The following AEN variants were observed in gnomAD, a reference collection of about 807,000 sequenced individuals.
The protein encoded by AEN is apoptosis-enhancing nuclease.
A neutral mutation model predicts 17.7 loss-of-function variants in AEN; 21 were observed. The ratio of observed to expected loss-of-function variants is 1.19; its 90% confidence interval spans 0.84 to 1.71. The LOEUF (loss-of-function observed/expected upper bound fraction) is 1.71. Ranked by LOEUF, AEN falls within the 40% of genes most tolerant of loss-of-function variation. The pLI, the probability that AEN is intolerant of heterozygous loss-of-function variation, is 0.00. For synonymous variants in AEN, 190 were observed against 173.0 expected (o/e 1.10, Z -0.77); for missense variants, 462 against 435.9 (o/e 1.06, Z -0.53).
At position 88,631,216 on chromosome 15, in the gene AEN, C is replaced by G. The variant is rs770826299; in HGVS notation, c.*922C>G. The G allele has an allele frequency of 2.2e-6, 1 of 455,738 alleles. No homozygotes were observed. The highest frequency in any genetic ancestry group is 1.5e-5 in the South Asian group (1 of 64,554). 28.2% of individuals were successfully genotyped at this position (455,738 alleles called of 1,614,324 possible). On this transcript the variant is annotated 3_prime_UTR_variant, in exon 4 of 4. Coordinates refer to ENST00000332810, the MANE Select transcript of AEN (RefSeq NM_022767.4). ...TTTATTTATTTATTAACAGCAGGGCCACTCGTCTAGGGCAGTGGAGTCTGC... is the reference window on the plus strand; with the variant it reads ...TTTATTTATTTATTAACAGCAGGGCGACTCGTCTAGGGCAGTGGAGTCTGC...
At chr15:88,617,537 G>A (rs995435598), upstream of AEN, among the ~76,000 whole-genome samples, 6 of 152,214 alleles carry the variant, frequency 3.9e-5, no homozygotes, top group African/African-American at 1.4e-4. Context: ...ACAGGCGTGA[G>A]CCACAGCGCC....
the AEN span, chr15:88,611,977 CT>C: frequency 2.2e-6 from 1 of 448,666 alleles, no homozygotes; most frequent in Non-Finnish European, 4.5e-6. Context: ...TTTGGCTATC[CT>C]TCCACGTGTT....
upstream of AEN, among the ~76,000 whole-genome samples, chr15:88,619,478 G>A (rs112248718): frequency 0.14 from 20,829 of 152,004 alleles, 1,670 homozygotes; most frequent in African/African-American, 0.21. Flanking sequence ...TCACGAGGTC[G>A]GGAGTTCGAG....
chr15:88,612,083 G>A, the AEN span: 7 of 345,302 alleles, frequency 2.0e-5, no homozygotes, highest in African/African-American at 9.2e-5. Flanking sequence ...ACAAACTATG[G>A]TGTGAGCAGG....
At chr15:88,612,061 C>A in the AEN span, 1 of 362,384 alleles carries the variant, frequency 2.8e-6, no homozygotes, top group Non-Finnish European at 5.3e-6. Context: ...GCAGACTCTT[C>A]CAGAAACATG....
chr15:88,614,394 T>C, the AEN span, among the ~76,000 whole-genome samples: 3 of 151,782 alleles, frequency 2.0e-5, no homozygotes, highest in African/African-American at 7.3e-5. Flanking sequence ...AGAGACGGAG[T>C]CTCCCTGTGT....
At chr15:88,629,149 A>T in intron 2 of AEN, 77 bp from the exon 3 acceptor site, 1 of 1,425,422 alleles carries the variant, frequency 7.0e-7, no homozygotes, top group East Asian at 2.3e-5. Context: ...TCTATTGGCC[A>T]GGGGTTCTCA....
chr15:88,610,307 A>ATTTTT, the AEN span, among the ~76,000 whole-genome samples: 1,147 of 136,212 alleles, frequency 8.4e-3, 17 homozygotes, highest in South Asian at 0.042. Flanking sequence ...GCACGGGGCT[A>ATTTTT]TTTTTTTTTT....
chr15:88,607,188 A>G, the AEN span, among the ~76,000 whole-genome samples: 10 of 152,336 alleles, frequency 6.6e-5, no homozygotes, highest in South Asian at 1.7e-3. Flanking sequence ...TGTCTCCCTT[A>G]GCAGATGGAC....
chr15:88,608,074 G>A, the AEN span: 1 of 514,716 alleles, frequency 1.9e-6, no homozygotes, highest in East Asian at 5.6e-5. Context: ...TGGACAAAGG[G>A]TCTACTTTCA....
At chr15:88,612,569 C>A in the AEN span, among the ~76,000 whole-genome samples, 1 of 133,170 alleles carries the variant, frequency 7.5e-6, no homozygotes, top group Non-Finnish European at 1.6e-5. Context: ...CATTTCCCAG[C>A]CTTTTATTTA....
At chr15:88,610,675 T>C in the AEN span, among the ~76,000 whole-genome samples, 1 of 152,034 alleles carries the variant, frequency 6.6e-6, no homozygotes, top group Non-Finnish European at 1.5e-5. Context: ...ACCCCCATTC[T>C]GGATAGAGAG....
At chr15:88,625,421 G>T (rs1052370819) in intron 1 of AEN, among the ~76,000 whole-genome samples, 1 of 152,104 alleles carries the variant, frequency 6.6e-6, no homozygotes, top group Non-Finnish European at 1.5e-5. Context: ...AGGAGGCTGA[G>T]GTGGGAGGAT....
At chr15:88,617,998 C>A (rs1490070821), upstream of AEN, among the ~76,000 whole-genome samples, 1 of 152,164 alleles carries the variant, frequency 6.6e-6, no homozygotes. Flanking sequence ...TGATCTACTG[C>A]CCCACCCTGT....
upstream of AEN, chr15:88,621,225 T>G (rs1193940553): frequency 6.6e-6 from 1 of 152,292 alleles, no homozygotes; most frequent in Non-Finnish European, 1.5e-5. Flanking sequence ...GCCTCCCCGC[T>G]GCCAGGCAGG....
At chr15:88,607,781 T>C in the AEN span, among the ~76,000 whole-genome samples, 1 of 152,208 alleles carries the variant, frequency 6.6e-6, no homozygotes, top group East Asian at 1.9e-4. Context: ...AATTTCAGCA[T>C]AAGTTTAAAA....
chr15:88,613,497 A>G, the AEN span, among the ~76,000 whole-genome samples: 1 of 151,228 alleles, frequency 6.6e-6, no homozygotes, highest in Non-Finnish European at 1.5e-5. Flanking sequence ...AGAGGAGGGG[A>G]GTTGAGTCTC....
At chr15:88,606,978 G>A in the AEN span, among the ~76,000 whole-genome samples, 2 of 150,122 alleles carry the variant, frequency 1.3e-5, no homozygotes, top group African/African-American at 5.0e-5. Context: ...AAAAAAAATT[G>A]CTTTTCCTGG....
rs560341188 is a variant in AEN, at chr15:88,629,305, C to G, written c.620C>G (p.Pro207Arg). Residue 207 changes from proline (P) to arginine (R), a missense_variant, in exon 3 of 4, where the codon CCT (proline) becomes CGT (arginine). Coordinates refer to ENST00000332810, the MANE Select transcript of AEN (RefSeq NM_022767.4). ...TTCCAGGCGCTCAAGTATGTCCACC[C>G]TCGGAGCCAGACCCGGGATACGACC... ...NDFQALKYVH[P>R]RSQTRDTTYV... is the part of the protein sequence containing the mutation. 3.1e-6 allele frequency: 5 copies of G among 1,614,154 alleles called. No individual in the cohort carries two copies. In the East Asian group the frequency reaches 1.1e-4, roughly 36 times the overall value.
Sources: allele counts gnomAD v4.1 joint callset (sites outside exome capture counted in the v4.1 genomes callset), GRCh38; gene constraint gnomAD v4.1.1; transcripts MANE v1.5; gene names NCBI Gene and HGNC (gene_info 2026-07-23, HGNC 2026-07-21).